THNSL1: variants seen among roughly 807,000 people sequenced by gnomAD.
THNSL1 encodes the protein threonine synthase like 1, also known as threonine synthase-like 1.
In THNSL1, 48 loss-of-function variants were observed where a neutral mutation model predicts 50.4. The observed-to-expected ratio is 0.95, with a 90% confidence interval of 0.76 to 1.21. THNSL1 has a LOEUF of 1.21. THNSL1 is among the 50% of genes most tolerant of loss of function. THNSL1 has a pLI of 0.00. For synonymous variants in THNSL1, 309 were observed against 306.1 expected (o/e 1.01, Z -0.10); for missense variants, 896 against 871.7 (o/e 1.03, Z -0.35).
chr10:24,979,886 C>T, the THNSL1 span, among the ~76,000 whole-genome samples: 1 of 152,210 alleles, frequency 6.6e-6, no homozygotes, highest in Non-Finnish European at 1.5e-5. Flanking sequence ...CCCGCCCCCG[C>T]CTCCCCACTG....
the THNSL1 span, among the ~76,000 whole-genome samples, chr10:25,006,136 A>G: frequency 3.3e-5 from 5 of 152,166 alleles, no homozygotes; most frequent in South Asian, 8.3e-4. Flanking sequence ...AGGAAAATCT[A>G]TCCTTGAATT....
chr10:24,958,411 A>AT, the THNSL1 span, among the ~76,000 whole-genome samples: 2 of 152,158 alleles, frequency 1.3e-5, no homozygotes, highest in African/African-American at 4.8e-5. Context: ...GTAGCAAGAC[A>AT]TTTTTTCTGC....
the THNSL1 span, among the ~76,000 whole-genome samples, chr10:24,969,141 G>T: frequency 6.6e-6 from 1 of 152,148 alleles, no homozygotes; most frequent in Non-Finnish European, 1.5e-5. Flanking sequence ...TGATCCACCC[G>T]CCGCGGCCTG....
chr10:24,989,889 C>T, the THNSL1 span, among the ~76,000 whole-genome samples: 1 of 152,036 alleles, frequency 6.6e-6, no homozygotes, highest in Admixed American at 6.6e-5. Flanking sequence ...TCTTACACCC[C>T]CTAATATTTT....
At chr10:24,972,078 G>C in the THNSL1 span, among the ~76,000 whole-genome samples, 1 of 151,518 alleles carries the variant, frequency 6.6e-6, no homozygotes, top group Non-Finnish European at 1.5e-5. Flanking sequence ...TGTAATCCCA[G>C]CTACTCAGGA....
the THNSL1 span, chr10:24,999,288 A>G: frequency 3.9e-6 from 4 of 1,020,834 alleles, no homozygotes; most frequent in African/African-American, 4.9e-5. Context: ...TCTGTTTAAT[A>G]TGAGGTAAAG....
chr10:25,023,421 T>C lies in THNSL1; in HGVS notation c.198T>C (p.Ala66=). 2 of 1,614,190 alleles carry C rather than the reference T, an allele frequency of 1.2e-6. No homozygotes were observed. The highest frequency in any genetic ancestry group is 1.7e-6 in the Non-Finnish European group (2 of 1,180,014). The stretch of plus-strand genomic sequence containing the variant: ...TTATCCTGATGGGACCTCCTGGTGC[T>C]GGGAAAACAACAGTAGGCAGAATAA... ...KNIILMGPPG[A]GKTTVGRIIG... The change falls in exon 3 of 3, where the codon GCT becomes GCC. Residue 66 remains alanine, a synonymous_variant. Coordinates refer to ENST00000376356, the MANE Select transcript of THNSL1 (RefSeq NM_024838.5).
the THNSL1 span, among the ~76,000 whole-genome samples, chr10:24,958,736 C>T: frequency 6.6e-6 from 1 of 152,220 alleles, no homozygotes; most frequent in South Asian, 2.1e-4. Flanking sequence ...CTGAAGAACA[C>T]ACAGAGGGTA....
rs767831792 is a variant in THNSL1, at chr10:25,024,536, A to T, written c.1313A>T (p.Asp438Val). Residue 438 changes from aspartate (D) to valine (V), a missense_variant, in exon 3 of 3, where the codon GAT (aspartate) becomes GTT (valine). Coordinates refer to ENST00000376356, the MANE Select transcript of THNSL1 (RefSeq NM_024838.5). ...GWAVGVESDF[D>V]FCQTAIKRIF... is the part of the protein sequence containing the mutation. ...GCAGTGGGTGTTGAGTCAGATTTTG[A>T]TTTTTGCCAGACAGCTATAAAAAGA... is the stretch of plus-strand genomic sequence containing the variant. 5.0e-6 allele frequency: 8 copies of T among 1,614,140 alleles called. No homozygotes were observed. The highest frequency in any genetic ancestry group is 1.6e-4 in the Middle Eastern group (1 of 6,062).
At position 25,024,844 on chromosome 10, in the gene THNSL1, A is replaced by G; in HGVS notation, c.1621A>G (p.Thr541Ala). 1 of 1,614,114 alleles carries G rather than the reference A, an allele frequency of 6.2e-7. No individual in the cohort carries two copies. Among genetic ancestry groups the G allele is most frequent in the Non-Finnish European group, 8.5e-7 (1 of 1,180,034 alleles). Residue 541 changes from threonine (T) to alanine (A), a missense_variant, in exon 3 of 3, where the codon ACT (threonine) becomes GCT (alanine). By Grantham distance (58) the Thr-to-Ala change is moderately conservative (BLOSUM62 0). Coordinates refer to ENST00000376356, the MANE Select transcript of THNSL1 (RefSeq NM_024838.5). Reference sequence around the variant, plus strand: ...TGCCTCTAATCAGAACCATGTTTTGACTGATTTTATAAAAACAGGACATTA... The same window carrying G: ...TGCCTCTAATCAGAACCATGTTTTGGCTGATTTTATAAAAACAGGACATTA... Reference protein sequence around the residue: ...ICASNQNHVLTDFIKTGHYDL... With the variant: ...ICASNQNHVLADFIKTGHYDL...
chr10:24,999,707 T>A, the THNSL1 span, among the ~76,000 whole-genome samples: 1 of 152,194 alleles, frequency 6.6e-6, no homozygotes, highest in Non-Finnish European at 1.5e-5. Flanking sequence ...TCCATCAGAC[T>A]TAGATAAACT....
At chr10:24,998,577 CTTGCT>C in the THNSL1 span, among the ~76,000 whole-genome samples, 1 of 151,812 alleles carries the variant, frequency 6.6e-6, no homozygotes, top group Non-Finnish European at 1.5e-5. Flanking sequence ...CGGACGGGGT[CTTGCT>C]TTGTTGCCCA....
the THNSL1 span, among the ~76,000 whole-genome samples, chr10:24,987,387 A>C: frequency 1.3e-5 from 2 of 152,072 alleles, no homozygotes; most frequent in Admixed American, 6.6e-5. Context: ...CTGCAATCCC[A>C]ACACTTTGAG....
the THNSL1 span, among the ~76,000 whole-genome samples, chr10:24,977,471 A>G: frequency 3.3e-5 from 5 of 152,354 alleles, no homozygotes; most frequent in South Asian, 2.1e-4. Context: ...ACAATCAACA[A>G]GTGCAATTTT....
the THNSL1 span, among the ~76,000 whole-genome samples, chr10:24,953,936 C>A: frequency 1.3e-5 from 2 of 152,178 alleles, no homozygotes; most frequent in African/African-American, 4.8e-5. Context: ...CTCCAGAGAT[C>A]CCTGAAATCA....
At chr10:25,010,932 T>A in the THNSL1 span, among the ~76,000 whole-genome samples, 1 of 151,836 alleles carries the variant, frequency 6.6e-6, no homozygotes, top group Non-Finnish European at 1.5e-5. Context: ...TATAGCAGCA[T>A]GATTTATGGT....
chr10:25,015,909 T>G, upstream of THNSL1: 4 of 1,608,524 alleles, frequency 2.5e-6, no homozygotes, highest in Non-Finnish European at 3.4e-6. Context: ...AGGTTATAAA[T>G]GCACTCAGAA....
At chr10:24,973,323 C>T in the THNSL1 span, among the ~76,000 whole-genome samples, 12 of 151,654 alleles carry the variant, frequency 7.9e-5, no homozygotes, top group Non-Finnish European at 1.5e-4. Flanking sequence ...TAAGTGAGAC[C>T]GCTAAGTGCT....
the THNSL1 span, among the ~76,000 whole-genome samples, chr10:24,967,339 C>A: frequency 6.6e-6 from 1 of 152,142 alleles, no homozygotes; most frequent in African/African-American, 2.4e-5. Context: ...CAGCTGGTAC[C>A]ACCTGGTCTG....
Sources: allele counts gnomAD v4.1 joint callset (sites outside exome capture counted in the v4.1 genomes callset), GRCh38; gene constraint gnomAD v4.1.1; transcripts MANE v1.5; gene names NCBI Gene and HGNC (gene_info 2026-07-23, HGNC 2026-07-21).